The following CDH17 variants were observed in gnomAD, a reference collection of about 807,000 sequenced individuals.
CDH17 encodes cadherin 17.
A neutral mutation model predicts 86.3 loss-of-function variants in CDH17; 67 were observed. The observed-to-expected ratio is 0.78, with a 90% CI of 0.64 to 0.95. The LOEUF is 0.95. CDH17 is among the 40% of genes least tolerant of loss of function. CDH17 has a pLI of 0.00. For synonymous variants in CDH17, 367 were observed against 366.4 expected, an observed-to-expected ratio of 1.00 and a Z score of -0.02; for missense variants, 993 against 1,017.6, an observed-to-expected ratio of 0.98 and a Z score of 0.33.
At chr8:94,214,411 A>T (rs1283694187) in intron 1 of CDH17, among the ~76,000 whole-genome samples, 1 of 152,348 alleles carries the variant, frequency 6.6e-6, no homozygotes, top group East Asian at 1.9e-4. Context: ...ATTTCCTGGG[A>T]AAGAATACTC....
At chr8:94,158,573 A>G (rs1812988795) in intron 12 of CDH17, among the ~76,000 whole-genome samples, 1 of 152,142 alleles carries the variant, frequency 6.6e-6, no homozygotes, top group Non-Finnish European at 1.5e-5. Context: ...GGAACACACC[A>G]ACCCACTGCA....
intron 12 of CDH17, among the ~76,000 whole-genome samples, chr8:94,153,825 C>T (rs540737601): frequency 2.0e-5 from 3 of 152,102 alleles, no homozygotes; most frequent in Non-Finnish European, 2.9e-5. Flanking sequence ...CATGTTCTCA[C>T]TTGTATGTGG....
intron 14 of CDH17, among the ~76,000 whole-genome samples, chr8:94,146,734 T>A (rs1490376985): frequency 6.6e-6 from 1 of 152,236 alleles, no homozygotes; most frequent in Non-Finnish European, 1.5e-5. Flanking sequence ...GTTCACAGTA[T>A]GTGGTCAATA....
chr8:94,166,682 G>A (rs962981714), intron 9 of CDH17, among the ~76,000 whole-genome samples: 1 of 152,150 alleles, frequency 6.6e-6, no homozygotes, highest in African/African-American at 2.4e-5. Flanking sequence ...TTAAGGCTCT[G>A]GAGATGAAAT....
intron 2 of CDH17, among the ~76,000 whole-genome samples, chr8:94,193,764 T>G (rs528494352): frequency 1.3e-5 from 2 of 152,272 alleles, no homozygotes; most frequent in East Asian, 3.9e-4. Flanking sequence ...AAGTTTGAAC[T>G]GCAGATTTCC....
intron 9 of CDH17, among the ~76,000 whole-genome samples, chr8:94,166,293 G>A (rs1813154541): frequency 6.6e-6 from 1 of 152,202 alleles, no homozygotes; most frequent in South Asian, 2.1e-4. Context: ...GGGCTTGTGA[G>A]TGGCTGTCTT....
intron 5 of CDH17, among the ~76,000 whole-genome samples, chr8:94,174,942 A>T (rs1397813999): frequency 1.3e-5 from 2 of 152,150 alleles, no homozygotes; most frequent in Non-Finnish European, 2.9e-5. Context: ...TAATTTTTTA[A>T]AATTTCTAAT....
At chr8:94,168,997 G>A (rs1236389079) in intron 9 of CDH17, among the ~76,000 whole-genome samples, 1 of 152,106 alleles carries the variant, frequency 6.6e-6, no homozygotes, top group Non-Finnish European at 1.5e-5. Context: ...CCAGATTCCA[G>A]ACTCACAGAA....
At chr8:94,200,470 G>A (rs575135536) in intron 1 of CDH17, among the ~76,000 whole-genome samples, 2 of 142,298 alleles carry the variant, frequency 1.4e-5, no homozygotes, top group Non-Finnish European at 3.0e-5. Flanking sequence ...AGTTACTACA[G>A]CAATTATTTG....
Position 94,177,576 on chromosome 8 carries a change from T to A in CDH17, c.285+11A>T. 1 of 1,613,590 alleles carries A rather than the reference T, an allele frequency of 6.2e-7. No homozygotes were observed. The highest frequency in any genetic ancestry group is 8.5e-7 in the Non-Finnish European group (1 of 1,179,652). On this transcript the variant is annotated intron_variant, in intron 4 of 17. Coordinates refer to ENST00000027335, the MANE Select transcript of CDH17 (RefSeq NM_004063.4). Reference sequence around the variant, plus strand: ...GTTGGAGTTAGATCCCTTCAGCTGGTATCAATTTACCTGGAGATTGTGAGT... The same window carrying A: ...GTTGGAGTTAGATCCCTTCAGCTGGAATCAATTTACCTGGAGATTGTGAGT...
At chr8:94,143,313 T>C (rs927670836) in intron 15 of CDH17, among the ~76,000 whole-genome samples, 1 of 152,194 alleles carries the variant, frequency 6.6e-6, no homozygotes, top group Non-Finnish European at 1.5e-5. Context: ...GTCTCAACAG[T>C]GGCCTTAAAG....
At chr8:94,180,134 A>G (rs1292999575) in intron 3 of CDH17, among the ~76,000 whole-genome samples, 1 of 152,140 alleles carries the variant, frequency 6.6e-6, no homozygotes, top group Admixed American at 6.5e-5. Flanking sequence ...TACAGTTGAC[A>G]AGGATGATAA....
upstream of CDH17, chr8:94,208,567 C>G (rs1814073337): frequency 1.3e-5 from 2 of 152,330 alleles, no homozygotes; most frequent in East Asian, 3.9e-4. Context: ...GAGTATCTCC[C>G]CCGGGAACAC....
intron 9 of CDH17, among the ~76,000 whole-genome samples, chr8:94,168,124 A>G (rs1315605200): frequency 1.8e-5 from 1 of 57,130 alleles, no homozygotes; most frequent in African/African-American, 6.8e-5. Flanking sequence ...ATATATATAT[A>G]TATATATATA....
intron 1 of CDH17, among the ~76,000 whole-genome samples, chr8:94,216,182 G>T (rs1251178500): frequency 1.3e-5 from 2 of 152,126 alleles, no homozygotes; most frequent in Non-Finnish European, 2.9e-5. Flanking sequence ...GATTACATTG[G>T]GCCTGGTCTC....
intron 3 of CDH17, among the ~76,000 whole-genome samples, chr8:94,182,216 T>C (rs1691718267): frequency 6.6e-6 from 1 of 152,062 alleles, no homozygotes; most frequent in South Asian, 2.1e-4. Context: ...AGAATTAACA[T>C]CAAACCTTCA....
chr8:94,188,765 G>T (rs1813629289), intron 3 of CDH17, among the ~76,000 whole-genome samples: 2 of 152,158 alleles, frequency 1.3e-5, no homozygotes, highest in Non-Finnish European at 2.9e-5. Flanking sequence ...TAAGGAAAAG[G>T]CAGTCCTCTG....
chr8:94,209,231 C>T (rs1814084400), upstream of CDH17, among the ~76,000 whole-genome samples: 1 of 152,140 alleles, frequency 6.6e-6, no homozygotes, highest in Non-Finnish European at 1.5e-5. Context: ...TTTTGATTAA[C>T]CAATAAAAGC....
intron 9 of CDH17, among the ~76,000 whole-genome samples, chr8:94,168,702 T>C (rs578108283): frequency 1.3e-5 from 2 of 152,252 alleles, no homozygotes; most frequent in East Asian, 3.9e-4. Flanking sequence ...CTACCAACAA[T>C]GACTTCTTCA....
Sources: allele counts gnomAD v4.1 joint callset (sites outside exome capture counted in the v4.1 genomes callset), GRCh38; gene constraint gnomAD v4.1.1; transcripts MANE v1.5; gene names NCBI Gene and HGNC (gene_info 2026-07-23, HGNC 2026-07-21).